The following PPFIA2 variants were observed in gnomAD, a reference collection of about 807,000 sequenced individuals.
PPFIA2 encodes liprin-alpha-2.
In PPFIA2, 46 loss-of-function variants were observed where a neutral mutation model predicts 175.5. The ratio of observed to expected loss-of-function variants is 0.26; its 90% confidence interval spans 0.21 to 0.34. The LOEUF (loss-of-function observed/expected upper bound fraction) is 0.34, where lower values mean the gene tolerates loss of function less well. Ranked by LOEUF, PPFIA2 falls within the 10% of genes least tolerant of loss-of-function variation. The pLI is 1.00. For missense variants in PPFIA2, 1,179 were observed against 1,506.1 expected (o/e 0.78, Z 3.60); for synonymous variants, 568 against 511.4 (o/e 1.11, Z -1.49).
chr12:81,515,819 G>C (rs2062356510), intron 4 of PPFIA2, among the ~76,000 whole-genome samples: 1 of 151,944 alleles, frequency 6.6e-6, no homozygotes, highest in African/African-American at 2.4e-5. Flanking sequence ...TATCACCAAA[G>C]CCTAAAACTT....
Position 81,375,847 on chromosome 12 carries a change from C to G in PPFIA2, c.1080G>C (p.Met360Ile), listed in dbSNP as rs2036240616. 13 of 1,609,264 alleles carry G rather than the reference C, an allele frequency of 8.1e-6. No homozygotes were observed. Among genetic ancestry groups the G allele is most frequent in the Non-Finnish European group, 1.1e-5 (13 of 1,175,872 alleles). ...CTAACTCATTTTCTAGTTTATCATT[C>G]ATGTCATGTATGGAGGTAGATTCTC... ...AQRESTSIHD[M>I]NDKLENELAN... The change falls in exon 10 of 33, where the codon ATG becomes ATC. Residue 360 changes from methionine (M) to isoleucine (I), a missense_variant. Physicochemically the swap from Met to Ile is conservative, Grantham distance 10. Around this residue, in one of 10 missense-constraint regions of PPFIA2, gnomAD observed 226 missense variants for 216.6 expected, o/e 1.04. Coordinates refer to ENST00000549396, the MANE Select transcript of PPFIA2 (RefSeq NM_003625.5).
intron 22 of PPFIA2, among the ~76,000 whole-genome samples, chr12:81,324,388 A>G (rs1402320840): frequency 6.6e-6 from 1 of 152,036 alleles, no homozygotes; most frequent in African/African-American, 2.4e-5. Flanking sequence ...TCAGACTTAT[A>G]TGCAATTGTG....
chr12:81,421,192 A>T (rs1337907530), intron 7 of PPFIA2, among the ~76,000 whole-genome samples: 2 of 152,130 alleles, frequency 1.3e-5, no homozygotes, highest in African/African-American at 4.8e-5. Flanking sequence ...TTTTAACAAA[A>T]ACATGCTGAG....
intron 4 of PPFIA2, among the ~76,000 whole-genome samples, chr12:81,494,936 GA>G (rs2059864822): frequency 8.8e-6 from 1 of 113,588 alleles, no homozygotes; most frequent in South Asian, 3.5e-4. Flanking sequence ...ACACCCTGGG[GA>G]CTGTTGTGGG....
At chr12:81,295,102 T>C in intron 23 of PPFIA2, 67 bp from the exon 24 acceptor site, 1 of 1,418,152 alleles carries the variant, frequency 7.1e-7, no homozygotes, top group Non-Finnish European at 9.7e-7. Context: ...TCTCATATGC[T>C]AGGAATTATT....
intron 7 of PPFIA2, among the ~76,000 whole-genome samples, chr12:81,417,802 G>A (rs147699248): frequency 6.7e-4 from 101 of 151,640 alleles, no homozygotes; most frequent in African/African-American, 2.4e-3. Context: ...TTACTATTAT[G>A]AATAAAGAAA....
At chr12:81,401,748 CA>C (rs1225855584) in intron 8 of PPFIA2, among the ~76,000 whole-genome samples, 1 of 152,054 alleles carries the variant, frequency 6.6e-6, no homozygotes, top group Non-Finnish European at 1.5e-5. Flanking sequence ...ACAAGAGTAG[CA>C]TGTTTACTTT....
At chr12:81,652,872 C>T (rs939704019) in intron 4 of PPFIA2, among the ~76,000 whole-genome samples, 2 of 152,122 alleles carry the variant, frequency 1.3e-5, no homozygotes, top group African/African-American at 4.8e-5. Context: ...CCACTCCCAA[C>T]CCCACCCAAA....
chr12:81,588,949 T>A (rs1465788835), intron 4 of PPFIA2, among the ~76,000 whole-genome samples: 1 of 152,110 alleles, frequency 6.6e-6, no homozygotes, highest in Non-Finnish European at 1.5e-5. Context: ...AGAGTTATTT[T>A]AGCTAGGTAC....
chr12:81,522,548 G>T (rs1393374459), intron 4 of PPFIA2, among the ~76,000 whole-genome samples: 1 of 152,148 alleles, frequency 6.6e-6, no homozygotes, highest in African/African-American at 2.4e-5. Flanking sequence ...AATTACACAT[G>T]CTTTCTGTCA....
intron 3 of PPFIA2, among the ~76,000 whole-genome samples, chr12:81,685,766 G>A (rs771790977): frequency 5.3e-5 from 8 of 152,038 alleles, no homozygotes; most frequent in Admixed American, 2.0e-4. Flanking sequence ...ATTAGTTTGG[G>A]TATTTCATAT....
intron 9 of PPFIA2, among the ~76,000 whole-genome samples, chr12:81,379,807 G>A (rs527562157): frequency 3.2e-4 from 49 of 152,240 alleles, no homozygotes; most frequent in Non-Finnish European, 5.6e-4. Context: ...ATATTCTGAA[G>A]CCATCAGTGG....
chr12:81,275,494 CT>C (rs1172750843), intron 28 of PPFIA2, among the ~76,000 whole-genome samples: 1 of 151,652 alleles, frequency 6.6e-6, no homozygotes, highest in Non-Finnish European at 1.5e-5. Context: ...TTATAGAAAC[CT>C]AAAAAAAATC....
chr12:81,272,534 C>T (rs867930165), intron 28 of PPFIA2, among the ~76,000 whole-genome samples: 3 of 152,118 alleles, frequency 2.0e-5, no homozygotes, highest in South Asian at 2.1e-4. Context: ...ATTTGTTAAA[C>T]ATATTGATTC....
chr12:81,701,749 G>C (rs1208645170), intron 3 of PPFIA2, among the ~76,000 whole-genome samples: 1 of 151,974 alleles, frequency 6.6e-6, no homozygotes, highest in Non-Finnish European at 1.5e-5. Context: ...CTGTCAGTAT[G>C]TTGTAAAAAA....
chr12:81,490,253 C>T (rs555203975), intron 4 of PPFIA2, among the ~76,000 whole-genome samples: 2 of 151,934 alleles, frequency 1.3e-5, no homozygotes, highest in African/African-American at 4.8e-5. Context: ...TTAATTATTT[C>T]CTGCGAATAT....
chr12:81,508,260 GC>G (rs2061393162), intron 4 of PPFIA2, among the ~76,000 whole-genome samples: 1 of 151,954 alleles, frequency 6.6e-6, no homozygotes, highest in Non-Finnish European at 1.5e-5. Context: ...GGTGGGTCAC[GC>G]CTGTAATCCC....
intron 29 of PPFIA2, 190 bp from the exon 30 acceptor site, chr12:81,267,210 TTTC>T: frequency 1.7e-6 from 1 of 581,264 alleles, no homozygotes; most frequent in Non-Finnish European, 3.1e-6. Context: ...TTTTTTTTTT[TTTC>T]TGTGAACAGT....
At chr12:81,628,562 G>GATTAACA (rs1567631235) in intron 4 of PPFIA2, among the ~76,000 whole-genome samples, 4 of 151,690 alleles carry the variant, frequency 2.6e-5, no homozygotes, top group Non-Finnish European at 4.4e-5. Context: ...TATTTTTAAC[G>GATTAACA]GAGACGGGGT....
Sources: gnomAD v4.1 joint callset for allele counts (sites outside exome capture counted in the v4.1 genomes callset) on GRCh38, gnomAD v4.1.1 for gene constraint, gnomAD v4.1.1 regional missense constraint, MANE v1.5 for transcripts, NCBI Gene and HGNC (gene_info 2026-07-23, HGNC 2026-07-21) for gene names.